The following SYN2 variants were observed in gnomAD, a reference collection of about 807,000 sequenced individuals.
SYN2 encodes synapsin-2.
Under a neutral mutation model 50.9 loss-of-function variants are expected in SYN2, and 19 were observed. That is an observed-to-expected ratio of 0.37 (90% CI 0.26 to 0.55). The LOEUF (loss-of-function observed/expected upper bound fraction) is 0.55, where lower values mean the gene tolerates loss of function less well. Among genes scored for constraint, SYN2 ranks in the 20% least tolerant of loss-of-function variants. The probability of loss-of-function intolerance (pLI) is 0.81; values close to 1 mark genes in which losing one functional copy is unlikely to be tolerated. For missense variants in SYN2, 587 were observed against 576.4 expected, an observed-to-expected ratio of 1.02 and a Z score of -0.19; for synonymous variants, 255 against 224.9, an observed-to-expected ratio of 1.13 and a Z score of -1.20.
intron 7 of SYN2, among the ~76,000 whole-genome samples, chr3:12,166,947 C>T (rs1023001209): frequency 6.6e-5 from 10 of 152,116 alleles, no homozygotes; most frequent in Admixed American, 5.9e-4. Context: ...AAGCAAAGTC[C>T]TGTAGAAGTT....
At chr3:12,106,647 AGC>A (rs1696195794) in intron 1 of SYN2, among the ~76,000 whole-genome samples, 1 of 152,218 alleles carries the variant, frequency 6.6e-6, no homozygotes, top group Non-Finnish European at 1.5e-5. Context: ...CCTAGTCTCT[AGC>A]ATAGTATATC....
intron 1 of SYN2, among the ~76,000 whole-genome samples, chr3:12,117,915 A>G (rs1028936988): frequency 6.6e-5 from 10 of 152,292 alleles, no homozygotes; most frequent in Admixed American, 2.6e-4. Flanking sequence ...CTGAGTTCCT[A>G]CTACCTGGAG....
intron 1 of SYN2, among the ~76,000 whole-genome samples, chr3:12,007,441 T>C (rs571157717): frequency 6.6e-6 from 1 of 152,344 alleles, no homozygotes; most frequent in East Asian, 1.9e-4. Context: ...AGTGGTTTTA[T>C]TGAAAAGTCT....
intron 1 of SYN2, among the ~76,000 whole-genome samples, chr3:12,051,051 A>G (rs989802172): frequency 6.6e-6 from 1 of 151,960 alleles, no homozygotes; most frequent in Non-Finnish European, 1.5e-5. Context: ...TTTTATTTCT[A>G]TATAGATAAA....
At chr3:12,055,450 A>G (rs530573344) in intron 1 of SYN2, among the ~76,000 whole-genome samples, 2 of 151,188 alleles carry the variant, frequency 1.3e-5, no homozygotes, top group South Asian at 4.1e-4. Context: ...TCAAATGAAG[A>G]GAATAAACTT....
Position 12,071,296 on chromosome 3 carries a change from C to A in SYN2, c.377+66368C>A, listed in dbSNP as rs997615161. On this transcript the variant is annotated intron_variant, in intron 1 of 12. Transcript: ENST00000621198. The stretch of plus-strand genomic sequence containing the variant: ...CCTGGCCTCACTGTCCATCTTCCAG[C>A]AGATGTGGATTAACAAGCAGGAGTA... 7.1e-6 allele frequency: 4 copies of A among 563,736 alleles called. No individual in the cohort carries two copies. In the African/African-American group the frequency reaches 7.5e-5, roughly 11 times the overall value. 34.9% of individuals were successfully genotyped at this position (563,736 alleles called of 1,614,324 possible).
chr3:12,025,404 T>C (rs1694236041), intron 1 of SYN2, among the ~76,000 whole-genome samples: 1 of 152,194 alleles, frequency 6.6e-6, no homozygotes, highest in Non-Finnish European at 1.5e-5. Flanking sequence ...AAGGGATTAT[T>C]GGTTATTGAA....
At chr3:12,012,596 C>G (rs1693939742) in intron 1 of SYN2, among the ~76,000 whole-genome samples, 1 of 152,212 alleles carries the variant, frequency 6.6e-6, no homozygotes, top group Non-Finnish European at 1.5e-5. Flanking sequence ...TTACCCTCTC[C>G]CTGCACACAT....
intron 5 of SYN2, chr3:12,158,777 G>T (rs775018501): frequency 4.4e-6 from 7 of 1,604,620 alleles, no homozygotes; most frequent in Admixed American, 1.7e-5. Context: ...CCCGGGGGCC[G>T]CAGCAACGCC....
At chr3:12,132,229 C>T (rs1696812113) in intron 1 of SYN2, among the ~76,000 whole-genome samples, 1 of 152,046 alleles carries the variant, frequency 6.6e-6, no homozygotes, top group African/African-American at 2.4e-5. Context: ...ATAAACATTT[C>T]ATGTGTCAAA....
chr3:12,145,500 C>T (rs528781001), intron 3 of SYN2, among the ~76,000 whole-genome samples, 179 bp from the exon 4 acceptor site: 1 of 152,282 alleles, frequency 6.6e-6, no homozygotes, highest in South Asian at 2.1e-4. Flanking sequence ...TGTGCCACTG[C>T]ACTTCAGCCT....
intron 11 of SYN2, chr3:12,183,975 A>G: frequency 1.0e-6 from 1 of 986,144 alleles, no homozygotes; most frequent in South Asian, 4.7e-5. Context: ...ACATTAAGAG[A>G]TTTTCAAGAT....
At chr3:12,012,149 G>A (rs1184239271) in intron 1 of SYN2, among the ~76,000 whole-genome samples, 1 of 151,624 alleles carries the variant, frequency 6.6e-6, no homozygotes, top group Non-Finnish European at 1.5e-5. Context: ...TTTTCAAAAG[G>A]CAATATAACT....
At chr3:12,026,458 A>C (rs1228823670) in intron 1 of SYN2, among the ~76,000 whole-genome samples, 2 of 152,164 alleles carry the variant, frequency 1.3e-5, no homozygotes, top group African/African-American at 2.4e-5. Flanking sequence ...ACTATGAGAA[A>C]ATAGAAGGGG....
At chr3:12,012,723 G>A (rs1385361617) in intron 1 of SYN2, among the ~76,000 whole-genome samples, 1 of 152,126 alleles carries the variant, frequency 6.6e-6, no homozygotes, top group Non-Finnish European at 1.5e-5. Context: ...GAGGATAAAG[G>A]CATTGCCTAT....
intron 5 of SYN2, chr3:12,156,864 C>T (rs1697473102): frequency 6.2e-7 from 1 of 1,614,170 alleles, no homozygotes; most frequent in Non-Finnish European, 8.5e-7. Context: ...TAGTTTCACA[C>T]CACAGAGGGA....
chr3:12,004,749 G>T lies in SYN2; in HGVS notation c.198G>T (p.Ser66=), dbSNP rs1693753061. ...PGPERRPPPA[S]APAPQPAPTP... ...CGGAGCGGAGGCCGCCGCCCGCCTC[G>T]GCGCCCGCGCCGCAGCCCGCGCCGA... The change falls in exon 1 of 13, where the codon TCG becomes TCT. Residue 66 remains serine (S), a synonymous_variant. Coordinates refer to ENST00000621198, the MANE Select transcript of SYN2 (RefSeq NM_133625.6). 1 of 319,540 alleles carries T rather than the reference G, an allele frequency of 3.1e-6. No individual in the cohort carries two copies. The highest frequency in any genetic ancestry group is 5.1e-5 in the Admixed American group (1 of 19,796). 19.8% of individuals were successfully genotyped at this position (319,540 alleles called of 1,614,324 possible). A position where few individuals can be genotyped will look rare whatever the true frequency, so the allele number is the denominator to read the frequency against.
chr3:12,183,467 C>T (rs187858855), intron 11 of SYN2, 95 bp downstream of exon 11: 2 of 1,608,580 alleles, frequency 1.2e-6, no homozygotes, highest in Non-Finnish European at 1.7e-6. Context: ...TTTTTCAAAG[C>T]AGAAATTTTA....
At chr3:12,056,389 A>G (rs995876501) in intron 1 of SYN2, among the ~76,000 whole-genome samples, 4 of 150,346 alleles carry the variant, frequency 2.7e-5, no homozygotes, top group African/African-American at 9.7e-5. Context: ...TTGCCTTATA[A>G]CAACTCATTA....
Sources: allele counts gnomAD v4.1 joint callset (sites outside exome capture counted in the v4.1 genomes callset), GRCh38; gene constraint gnomAD v4.1.1; transcripts MANE v1.5; gene names NCBI Gene and HGNC (gene_info 2026-07-23, HGNC 2026-07-21).